Variants in PDZRN3 observed in about 807,000 individuals in gnomAD.
The protein encoded by PDZRN3 is PDZ domain containing ring finger 3, also known as E3 ubiquitin-protein ligase PDZRN3.
Under a neutral mutation model 85.7 loss-of-function variants are expected in PDZRN3, and 38 were observed. The ratio of observed to expected loss-of-function variants is 0.44; its 90% confidence interval spans 0.34 to 0.58. The LOEUF (loss-of-function observed/expected upper bound fraction) is 0.58, where lower values mean the gene tolerates loss of function less well. Ranked by LOEUF, PDZRN3 falls within the 20% of genes least tolerant of loss-of-function variation. The pLI, the probability that PDZRN3 is intolerant of heterozygous loss-of-function variation, is 0.01. For missense variants in PDZRN3, 1,629 were observed against 1,506.4 expected, an observed-to-expected ratio of 1.08 and a Z score of -1.35; for synonymous variants, 759 against 638.0, an observed-to-expected ratio of 1.19 and a Z score of -2.86.
chr3:73,543,265 C>A (rs1156259359), intron 3 of PDZRN3, among the ~76,000 whole-genome samples: 1 of 152,186 alleles, frequency 6.6e-6, no homozygotes, highest in East Asian at 1.9e-4. Context: ...GGTGTGAGCA[C>A]CCAGCATACT....
chr3:73,479,751 G>A (rs1188635728), intron 3 of PDZRN3, among the ~76,000 whole-genome samples: 1 of 152,120 alleles, frequency 6.6e-6, no homozygotes, highest in Non-Finnish European at 1.5e-5. Flanking sequence ...TGCTCCCAAT[G>A]CCTTGTGTGA....
At chr3:73,608,488 G>C (rs1702635527) in intron 2 of PDZRN3, 110 bp downstream of exon 2, 1 of 727,526 alleles carries the variant, frequency 1.4e-6, no homozygotes, top group Admixed American at 2.2e-5. Flanking sequence ...ATGACAGAGA[G>C]CAGAATGAAG....
In PDZRN3 at chr3:73,385,763, T is replaced by C. The variant is rs763924260; in HGVS notation, c.1541A>G (p.Asp514Gly). 9 of 1,612,684 alleles carry C rather than the reference T, an allele frequency of 5.6e-6. 1 individual carries two copies. Among genetic ancestry groups the C allele is most frequent in the Middle Eastern group, 3.3e-4 (2 of 6,058 alleles). ...GTCATCCAGAAAGTCGTTCCTGTCA[T>C]CATCCATCCAGCCCTCATCCAGCTG... Reference protein sequence around the residue: ...ELQLDEGWMDDDRNDFLDDLH... With the variant: ...ELQLDEGWMDGDRNDFLDDLH... The change falls in exon 9 of 10, where the codon GAT becomes GGT. Residue 514 changes from aspartate to glycine, a missense_variant. Physicochemically the swap from Asp to Gly is moderately conservative, Grantham distance 94 (BLOSUM62 -1). Coordinates refer to ENST00000263666, the MANE Select transcript of PDZRN3 (RefSeq NM_015009.3).
At chr3:73,421,927 G>A (rs372792874) in intron 3 of PDZRN3, among the ~76,000 whole-genome samples, 6 of 152,202 alleles carry the variant, frequency 3.9e-5, no homozygotes, top group Non-Finnish European at 7.3e-5. Flanking sequence ...GATTACAGGC[G>A]TGAGCCACCG....
In PDZRN3 at chr3:73,624,458, C is replaced by A. The variant is rs1702933971; in HGVS notation, c.368G>T (p.Arg123Leu). The A allele has an allele frequency of 2.2e-6, 3 of 1,356,092 alleles. No homozygotes were observed. The South Asian group carries it at 5.4e-5, about 24-fold the overall frequency. 84.0% of individuals were successfully genotyped at this position (1,356,092 alleles called of 1,614,324 possible). The change falls in exon 1 of 10, where the codon CGG becomes CTG. Residue 123 changes from arginine to leucine, a missense_variant. Transcript: ENST00000263666. ...RHAGCGQVLLRRDVEAHMRDA... is the reference protein window; with the variant it reads ...RHAGCGQVLLLRDVEAHMRDA... Reference sequence around the variant, plus strand: ...GCGCATGTGCGCCTCCACGTCGCGCCGCAGCAGCACCTGGCCGCAACCCGC... The same window carrying A: ...GCGCATGTGCGCCTCCACGTCGCGCAGCAGCAGCACCTGGCCGCAACCCGC...
intron 3 of PDZRN3, among the ~76,000 whole-genome samples, chr3:73,464,264 C>T (rs1559693358): frequency 6.6e-6 from 1 of 152,148 alleles, no homozygotes; most frequent in African/African-American, 2.4e-5. Flanking sequence ...GGATTATAGG[C>T]GTGAGCCATG....
chr3:73,413,832 G>T (rs1702022747), intron 3 of PDZRN3, among the ~76,000 whole-genome samples: 2 of 152,166 alleles, frequency 1.3e-5, no homozygotes, highest in Admixed American at 6.5e-5. Flanking sequence ...CATGGTGCAT[G>T]CCATGGCAAG....
Position 73,383,973 on chromosome 3 carries a change from G to A in PDZRN3, c.2593C>T (p.His865Tyr). 6 of 1,594,614 alleles carry A rather than the reference G, an allele frequency of 3.8e-6. No individual in the cohort carries two copies. Among genetic ancestry groups the A allele is most frequent in the Non-Finnish European group, 5.1e-6 (6 of 1,171,882 alleles). ...LGSAYLPSYH[H>Y]SPYKHAHIPA... ...ATGTGCGCGTGCTTGTATGGGGAGT[G>A]GTGATAGGAGGGCAGGTAGGCGCTG... The change falls in exon 10 of 10, where the codon CAC becomes TAC. Residue 865 changes from histidine (H) to tyrosine (Y), a missense_variant. His to Tyr is a moderately conservative substitution (Grantham distance 83). Coordinates refer to ENST00000263666, the MANE Select transcript of PDZRN3 (RefSeq NM_015009.3).
chr3:73,432,438 C>T (rs1027345089), intron 3 of PDZRN3, among the ~76,000 whole-genome samples: 2 of 152,136 alleles, frequency 1.3e-5, no homozygotes, highest in Admixed American at 6.5e-5. Flanking sequence ...AAGATATGTA[C>T]CCCTTGCCTA....
chr3:73,384,606 A>G lies in PDZRN3; in HGVS notation c.1960T>C (p.Cys654Arg), dbSNP rs758165264. ...TAAGGGGTGGCGCTCTTCACCTGGC[A>G]CTTGAGCTCCAGGAGCTCGCGGAAG... is the stretch of plus-strand genomic sequence containing the variant. ...ERFRELLELK[C>R]QVKSATPYGL... The change falls in exon 10 of 10, where the codon TGC becomes CGC. Residue 654 changes from cysteine (C) to arginine (R), a missense_variant. Transcript: ENST00000263666. The G allele has an allele frequency of 1.2e-6, 2 of 1,613,778 alleles. No individual in the cohort carries two copies. The highest frequency in any genetic ancestry group is 1.3e-5 in the African/African-American group (1 of 75,042).
intron 3 of PDZRN3, among the ~76,000 whole-genome samples, chr3:73,568,027 A>G (rs973919543): frequency 1.3e-5 from 2 of 152,212 alleles, no homozygotes. Context: ...AAGCAGTTTA[A>G]CCTCCAATAG....
At chr3:73,583,409 G>A (rs557382895) in intron 3 of PDZRN3, among the ~76,000 whole-genome samples, 6 of 152,248 alleles carry the variant, frequency 3.9e-5, no homozygotes, top group Admixed American at 2.0e-4. Flanking sequence ...ACTATATGGC[G>A]AAAATAGCCT....
intron 3 of PDZRN3, among the ~76,000 whole-genome samples, chr3:73,526,194 C>T (rs1704520395): frequency 6.6e-6 from 1 of 152,202 alleles, no homozygotes; most frequent in Non-Finnish European, 1.5e-5. Flanking sequence ...ACTTAATACG[C>T]TCTCTGGTAC....
At chr3:73,433,940 A>C in intron 3 of PDZRN3, 1 of 1,389,284 alleles carries the variant, frequency 7.2e-7, no homozygotes, top group East Asian at 2.6e-5. Context: ...ACACACACAC[A>C]CATACACACA....
At chr3:73,594,189 C>A (rs528013364) in intron 3 of PDZRN3, among the ~76,000 whole-genome samples, 1 of 152,182 alleles carries the variant, frequency 6.6e-6, no homozygotes, top group East Asian at 1.9e-4. Context: ...GAAATTAATA[C>A]ATAATATATT....
intron 3 of PDZRN3, among the ~76,000 whole-genome samples, chr3:73,516,582 G>A (rs1310463452): frequency 2.0e-5 from 3 of 152,096 alleles, no homozygotes; most frequent in Non-Finnish European, 2.9e-5. Flanking sequence ...TTGCTAGTTT[G>A]TTATGTTTTT....
intron 3 of PDZRN3, among the ~76,000 whole-genome samples, chr3:73,502,800 G>A (rs1159702026): frequency 1.3e-5 from 2 of 152,192 alleles, no homozygotes; most frequent in Non-Finnish European, 2.9e-5. Context: ...GAAAATCCTA[G>A]AGCCTGGTAT....
At chr3:73,398,292 C>T (rs1026550799) in intron 5 of PDZRN3, among the ~76,000 whole-genome samples, 3 of 152,248 alleles carry the variant, frequency 2.0e-5, no homozygotes, top group South Asian at 2.1e-4. Context: ...CGGCACATCT[C>T]GACACTGCAG....
chr3:73,580,295 AT>A (rs1559746966), intron 3 of PDZRN3, among the ~76,000 whole-genome samples: 1 of 152,116 alleles, frequency 6.6e-6, no homozygotes, highest in African/African-American at 2.4e-5. Context: ...GAGAATGTAA[AT>A]TTTTTGGCAT....
Sources: allele counts gnomAD v4.1 joint callset (sites outside exome capture counted in the v4.1 genomes callset), GRCh38; gene constraint gnomAD v4.1.1; transcripts MANE v1.5; gene names NCBI Gene and HGNC (gene_info 2026-07-23, HGNC 2026-07-21).